CACNA2D1: variants seen among roughly 807,000 people sequenced by gnomAD.
The protein encoded by CACNA2D1 is voltage-dependent calcium channel subunit alpha-2/delta-1.
In CACNA2D1, 53 loss-of-function variants were observed where a neutral mutation model predicts 171.5. The observed-to-expected ratio is 0.31, with a 90% CI of 0.25 to 0.39. The LOEUF (loss-of-function observed/expected upper bound fraction) is 0.39. CACNA2D1 is among the 10% of genes least tolerant of loss of function. The probability of loss-of-function intolerance (pLI) is 1.00; values close to 1 mark genes in which losing one functional copy is unlikely to be tolerated. For synonymous variants in CACNA2D1, 442 were observed against 443.1 expected (o/e 1.00, Z 0.03); for missense variants, 903 against 1,299.8 (o/e 0.69, Z 4.69).
intron 12 of CACNA2D1, among the ~76,000 whole-genome samples, chr7:82,024,164 T>A (rs1801601577): frequency 6.6e-6 from 1 of 151,570 alleles, no homozygotes; most frequent in African/African-American, 2.4e-5. Flanking sequence ...TTTGGATAAG[T>A]ATCCAGAAGT....
intron 3 of CACNA2D1, among the ~76,000 whole-genome samples, chr7:82,188,594 T>C (rs1020282993): frequency 6.6e-6 from 1 of 152,092 alleles, no homozygotes. Context: ...TCAGCCACTA[T>C]GCAAAGCAGT....
At chr7:82,161,762 A>C (rs1794970798) in intron 4 of CACNA2D1, among the ~76,000 whole-genome samples, 1 of 152,064 alleles carries the variant, frequency 6.6e-6, no homozygotes, top group Non-Finnish European at 1.5e-5. Flanking sequence ...CAAGCATGTC[A>C]TCGGATAAAT....
At chr7:82,105,965 T>G (rs1316377483) in intron 6 of CACNA2D1, among the ~76,000 whole-genome samples, 1 of 152,182 alleles carries the variant, frequency 6.6e-6, no homozygotes, top group Non-Finnish European at 1.5e-5. Flanking sequence ...ATAACTCAGG[T>G]AGTATTTTTT....
In CACNA2D1 at chr7:82,032,683, T is replaced by C. The variant is rs1434973026; in HGVS notation, c.1143+114A>G. On this transcript the variant is annotated intron_variant, in intron 12 of 38. Transcript: ENST00000356860. ...ATCTATGATTCATATGGCTTTATAA[T>C]TGGCACAATCAGGTTTTAAATCAAA... 6.5e-6 allele frequency: 4 copies of C among 614,168 alleles called. No homozygotes were observed. In the African/African-American group the frequency reaches 7.4e-5, roughly 11 times the overall value. 38.0% of individuals were successfully genotyped at this position (614,168 alleles called of 1,614,324 possible). A position where few individuals can be genotyped will look rare whatever the true frequency, so the allele number is the denominator to read the frequency against.
At chr7:81,994,840 T>C (rs1797881555) in intron 20 of CACNA2D1, 28 bp downstream of exon 20, 2 of 1,114,546 alleles carry the variant, frequency 1.8e-6, no homozygotes. Flanking sequence ...TAATTTTTAT[T>C]TAAGAATAAG....
At chr7:82,138,162 C>T (rs183407550) in intron 4 of CACNA2D1, among the ~76,000 whole-genome samples, 1 of 151,852 alleles carries the variant, frequency 6.6e-6, no homozygotes. Flanking sequence ...GTTTATTTAC[C>T]ACAGAAATCT....
chr7:82,414,674 T>C (rs17156280), intron 1 of CACNA2D1, among the ~76,000 whole-genome samples: 5,327 of 152,238 alleles, frequency 0.035, 177 homozygotes, highest in East Asian at 0.12. Flanking sequence ...TTCTGATCCA[T>C]TCGAAGGAGG....
At chr7:82,366,692 T>C (rs6960677) in intron 1 of CACNA2D1, among the ~76,000 whole-genome samples, 69,815 of 151,890 alleles carry the variant, frequency 0.46, 16,563 homozygotes, top group East Asian at 0.57. Flanking sequence ...ACGAGTGTAT[T>C]TGTCTCTTTG....
chr7:81,972,572 AC>A (rs1421296780), intron 25 of CACNA2D1, among the ~76,000 whole-genome samples: 2 of 151,886 alleles, frequency 1.3e-5, no homozygotes, highest in East Asian at 3.9e-4. Context: ...TTCTAGAATA[AC>A]TGAAGTGCAT....
chr7:82,295,669 G>A (rs2129420058), intron 3 of CACNA2D1, among the ~76,000 whole-genome samples: 1 of 151,804 alleles, frequency 6.6e-6, no homozygotes, highest in South Asian at 2.1e-4. Context: ...GATTTATAGT[G>A]TATAAACATA....
intron 3 of CACNA2D1, among the ~76,000 whole-genome samples, chr7:82,184,100 A>G (rs1434291176): frequency 6.6e-6 from 1 of 151,632 alleles, no homozygotes; most frequent in African/African-American, 2.4e-5. Context: ...AAAAAAATGA[A>G]AAGTGTGATC....
rs144884803 is a variant in CACNA2D1 at position 82,254,578 on chromosome 7, G to A, written c.294+80557C>T. ...TTTCTGTTCCTAATTCTTAAGCGTC[G>A]TTTTGGTGGAAACTCCTAGTGGTAG... is the stretch of plus-strand genomic sequence containing the variant. On this transcript the variant is annotated intron_variant, in intron 3 of 38. Transcript: ENST00000356860. 9.7e-4 allele frequency among the ~76,000 whole-genome samples: 148 copies of A among 152,116 alleles called. 3 individuals carry two copies. The East Asian group carries it at 0.025, about 26-fold the overall frequency.
chr7:82,295,465 T>A (rs913528848), intron 3 of CACNA2D1, among the ~76,000 whole-genome samples: 4 of 151,850 alleles, frequency 2.6e-5, no homozygotes, highest in African/African-American at 9.7e-5. Flanking sequence ...GCCTCCCCAG[T>A]GGCTGAGATT....
intron 8 of CACNA2D1, among the ~76,000 whole-genome samples, chr7:82,066,016 GA>G: frequency 6.6e-6 from 1 of 151,752 alleles, no homozygotes; most frequent in Non-Finnish European, 1.5e-5. Context: ...CTTCATTTTG[GA>G]AAAAAAATTA....
At chr7:82,118,925 T>C (rs187083599) in intron 5 of CACNA2D1, among the ~76,000 whole-genome samples, 1 of 152,184 alleles carries the variant, frequency 6.6e-6, no homozygotes, top group East Asian at 1.9e-4. Flanking sequence ...AATTTCTCAA[T>C]TGAACTCATT....
At chr7:82,070,597 A>C (rs1308443171) in intron 7 of CACNA2D1, among the ~76,000 whole-genome samples, 3 of 152,110 alleles carry the variant, frequency 2.0e-5, no homozygotes, top group Non-Finnish European at 4.4e-5. Flanking sequence ...GGAGGGAGGA[A>C]GTGTGGAGAA....
At chr7:82,188,936 A>G (rs1798026720) in intron 3 of CACNA2D1, among the ~76,000 whole-genome samples, 2 of 152,082 alleles carry the variant, frequency 1.3e-5, no homozygotes, top group African/African-American at 4.8e-5. Context: ...CAAATACCAC[A>G]TGTTCTCACT....
intron 3 of CACNA2D1, among the ~76,000 whole-genome samples, chr7:82,205,501 G>C (rs1272467766): frequency 2.0e-5 from 3 of 151,858 alleles, no homozygotes; most frequent in Non-Finnish European, 1.5e-5. Context: ...AACATATGTT[G>C]TCTTTCTATT....
At chr7:82,313,776 T>C (rs577868963) in intron 3 of CACNA2D1, among the ~76,000 whole-genome samples, 26 of 152,352 alleles carry the variant, frequency 1.7e-4, no homozygotes, top group African/African-American at 5.8e-4. Context: ...AGTGGAAACT[T>C]TCCCTTGGTT....
Sources: allele counts gnomAD v4.1 joint callset (sites outside exome capture counted in the v4.1 genomes callset), GRCh38; gene constraint gnomAD v4.1.1; transcripts MANE v1.5; gene names NCBI Gene and HGNC (gene_info 2026-07-23, HGNC 2026-07-21).